The following EVC variants were observed in gnomAD, a reference collection of about 807,000 sequenced individuals.
EVC encodes the protein EvC ciliary complex subunit 1.
In EVC, 116 loss-of-function variants were observed where a neutral mutation model predicts 118.9. That is an observed-to-expected ratio of 0.98 (90% confidence interval 0.84 to 1.14). The LOEUF (loss-of-function observed/expected upper bound fraction) is 1.14. Ranked by LOEUF, EVC falls within the 50% of genes most tolerant of loss-of-function variation. The pLI is 0.00. For missense variants in EVC, 1,401 were observed against 1,246.4 expected (o/e 1.12, Z -1.87); for synonymous variants, 619 against 534.7 (o/e 1.16, Z -2.18).
chr4:5,728,510 C>G (rs546078940), intron 2 of EVC, among the ~76,000 whole-genome samples: 1 of 152,054 alleles, frequency 6.6e-6, no homozygotes, highest in Non-Finnish European at 1.5e-5. Context: ...ACAATCATGT[C>G]GTCTGCAAAC....
chr4:5,760,844 TCCCGG>T (rs1731897538), intron 11 of EVC, among the ~76,000 whole-genome samples: 1 of 152,100 alleles, frequency 6.6e-6, no homozygotes, highest in African/African-American at 2.4e-5. Flanking sequence ...GAGCCACCGC[TCCCGG>T]CCTGGCCCAA....
In EVC at chr4:5,719,023, A is replaced by G. The variant is rs1724470393; in HGVS notation, c.175-225A>G. On this transcript the variant is annotated intron_variant, in intron 1 of 20. Transcript: ENST00000264956. The surrounding 1 kb of genome is among the most constrained non-coding windows in gnomAD (Gnocchi z 4.7). ...TGGGGCATCCTGGAGGCCTTAGGGG[A>G]ACCGCTCAGGAAGGTGACCTGTGCA... Among the ~76,000 whole-genome samples, 2 of 152,090 alleles carry G rather than the reference A, an allele frequency of 1.3e-5. No individual in the cohort carries two copies. Among genetic ancestry groups the G allele is most frequent in the Admixed American group, 1.3e-4 (2 of 15,264 alleles).
At chr4:5,781,344 A>G (rs1735571558) in intron 11 of EVC, among the ~76,000 whole-genome samples, 1 of 152,164 alleles carries the variant, frequency 6.6e-6, no homozygotes, top group African/African-American at 2.4e-5. Flanking sequence ...GCTGTGGTCT[A>G]GGGGAATGAC....
chr4:5,720,712 G>T (rs914266474), intron 2 of EVC, among the ~76,000 whole-genome samples: 4 of 152,212 alleles, frequency 2.6e-5, no homozygotes, highest in African/African-American at 9.6e-5. Context: ...TGGACGGGGG[G>T]AGAGATGGGG....
the EVC span, chr4:5,828,450 G>A: frequency 4.4e-6 from 7 of 1,600,862 alleles, no homozygotes; most frequent in Non-Finnish European, 6.0e-6. Flanking sequence ...GTCGGCTCTG[G>A]TCCCACGGGT....
intron 2 of EVC, among the ~76,000 whole-genome samples, chr4:5,725,688 T>A (rs1725699139): frequency 6.6e-6 from 1 of 152,230 alleles, no homozygotes; most frequent in Admixed American, 6.5e-5. Flanking sequence ...ACTCTGATGA[T>A]AGTTTCTTTT....
rs879073430 is a variant in EVC at position 5,719,792 on chromosome 4, G to T, written c.300+419G>T. 6.6e-6 allele frequency among the ~76,000 whole-genome samples: 1 copy of T among 152,146 alleles called. No homozygotes were observed. Among genetic ancestry groups the T allele is most frequent in the Admixed American group, 6.5e-5 (1 of 15,280 alleles). On this transcript the variant is annotated intron_variant, in intron 2 of 20. Transcript: ENST00000264956. This position sits in a 1 kb window ranked among gnomAD's most constrained non-coding sequence, Gnocchi z 4.7. ...CCTTAAGATGTTTCCCTTTCGTTGT[G>T]TGTATCAATAATTCACCCATTTTTA... is the stretch of plus-strand genomic sequence containing the variant.
intron 11 of EVC, among the ~76,000 whole-genome samples, chr4:5,768,364 G>C (rs764498910): frequency 6.6e-6 from 1 of 152,158 alleles, no homozygotes; most frequent in Non-Finnish European, 1.5e-5. Flanking sequence ...GTAGGAGACT[G>C]CTGTGGCCCG....
chr4:5,822,258 G>A, the EVC span, among the ~76,000 whole-genome samples: 9 of 152,220 alleles, frequency 5.9e-5, no homozygotes, highest in Admixed American at 1.3e-4. Context: ...TGAGCAATTT[G>A]AGGTTCAGGC....
Position 5,711,324 on chromosome 4 carries a change from G to A in EVC, c.-57G>A, listed in dbSNP as rs533247624. On this transcript the variant is annotated 5_prime_UTR_variant, in exon 1 of 21. Transcript: ENST00000264956. ...CTCCAAGTCCCGCGTCGCCGCCCTG[G>A]CGGGGACGGTGCAGCAGGCGGCGGG... is the stretch of plus-strand genomic sequence containing the variant. 45 of 1,000,040 alleles carry A rather than the reference G, an allele frequency of 4.5e-5. No individual in the cohort carries two copies. The South Asian group carries it at 1.7e-3, about 37-fold the overall frequency. The allele number at this position is 1,000,040 out of a possible 1,614,324, so 61.9% of individuals were successfully genotyped here.
rs557790739 is a variant in EVC at position 5,789,954 on chromosome 4, G to A, written c.1777-3654G>A. Among the ~76,000 whole-genome samples, 7 of 152,220 alleles carry A rather than the reference G, an allele frequency of 4.6e-5. No individual in the cohort carries two copies. The highest frequency in any genetic ancestry group is 1.0e-4 in the Non-Finnish European group (7 of 68,022). Reference sequence around the variant, plus strand: ...CCAGCACCTTGGGAGGCCAAGGCAGGTAGATCACCTGAGATCAAGAGTTCG... The same window carrying A: ...CCAGCACCTTGGGAGGCCAAGGCAGATAGATCACCTGAGATCAAGAGTTCG... On this transcript the variant is annotated intron_variant, in intron 12 of 20. Transcript: ENST00000264956. The surrounding 1 kb of genome is among the most constrained non-coding windows in gnomAD (Gnocchi z 4.3).
the EVC span, among the ~76,000 whole-genome samples, chr4:5,827,163 G>T: frequency 6.6e-6 from 1 of 152,210 alleles, no homozygotes; most frequent in Non-Finnish European, 1.5e-5. Flanking sequence ...GGCATTTGGG[G>T]TCAGATATCT....
intron 11 of EVC, among the ~76,000 whole-genome samples, chr4:5,767,557 T>A (rs186546565): frequency 0.02 from 2,937 of 148,986 alleles, 41 homozygotes; most frequent in Middle Eastern, 0.066. Context: ...GCGAGACTCC[T>A]TGGGCATAGG....
chr4:5,717,184 G>A (rs1577317735), intron 1 of EVC, among the ~76,000 whole-genome samples: 1 of 152,106 alleles, frequency 6.6e-6, no homozygotes, highest in East Asian at 1.9e-4. Flanking sequence ...TCTTTGGAGA[G>A]ATGTTTCTCA....
chr4:5,712,231 A>G (rs1430449913), intron 1 of EVC, among the ~76,000 whole-genome samples: 1 of 152,236 alleles, frequency 6.6e-6, no homozygotes, highest in Non-Finnish European at 1.5e-5. Flanking sequence ...GCACTGAACT[A>G]GACCCTCTCC....
rs1717335913 is a variant in EVC, at chr4:5,814,229, T to C, written c.*3192T>C. ...GGCTGTGGGCTGTTATGGTGATGGATGGATGTGGATTTGGAAGGGGACCAT... is the reference window on the plus strand; with the variant it reads ...GGCTGTGGGCTGTTATGGTGATGGACGGATGTGGATTTGGAAGGGGACCAT... On this transcript the variant is annotated 3_prime_UTR_variant, in exon 21 of 21. Transcript: ENST00000264956. The C allele has an allele frequency of 6.6e-6, 1 of 152,308 alleles. No homozygotes were observed. Among genetic ancestry groups the C allele is most frequent in the South Asian group, 2.1e-4 (1 of 4,828 alleles). The allele number at this position is 152,308 out of a possible 1,614,324, so 9.4% of individuals were successfully genotyped here.
At position 5,808,252 on chromosome 4, in the gene EVC, G is replaced by A. The variant is rs1383884052; in HGVS notation, c.2613G>A (p.Gln871=). The A allele has an allele frequency of 6.2e-7, 1 of 1,610,172 alleles. No individual in the cohort carries two copies. Among genetic ancestry groups the A allele is most frequent in the African/African-American group, 1.3e-5 (1 of 74,192 alleles). The change falls in exon 18 of 21, where the codon CAG becomes CAA. Residue 871 remains glutamine, a synonymous_variant. Coordinates refer to ENST00000264956, the MANE Select transcript of EVC (RefSeq NM_153717.3). The part of the protein sequence containing the change: ...RFLAQFPVHQ[Q]MRLHAQQQQA... ...TGGCCCAGTTCCCAGTGCACCAGCA[G>A]ATGCGTCTGCACGCCCAGCAGCAGC... is the stretch of plus-strand genomic sequence containing the variant.
intron 1 of EVC, among the ~76,000 whole-genome samples, chr4:5,718,683 A>C (rs551284228): frequency 6.6e-6 from 1 of 152,220 alleles, no homozygotes. Flanking sequence ...TAAAAGCGCC[A>C]TGAGCATTGG....
chr4:5,732,576 G>A (rs1726996506), intron 4 of EVC, among the ~76,000 whole-genome samples: 2 of 152,370 alleles, frequency 1.3e-5, no homozygotes, highest in South Asian at 2.1e-4. Context: ...ACTCTGCCAT[G>A]TATCTGCCCC....
Sources: gnomAD v4.1 joint callset for allele counts (sites outside exome capture counted in the v4.1 genomes callset) on GRCh38, gnomAD v4.1.1 for gene constraint, Gnocchi (gnomAD v3.1) non-coding constraint, MANE v1.5 for transcripts, NCBI Gene and HGNC (gene_info 2026-07-23, HGNC 2026-07-21) for gene names.